Variants in MMP26 observed in about 807,000 individuals in gnomAD.
The protein encoded by MMP26 is matrix metallopeptidase 26, also known as matrix metalloproteinase-26.
MMP26 carries 33 observed loss-of-function variants against 31.0 expected under a neutral mutation model. The observed-to-expected ratio is 1.06, with a 90% confidence interval of 0.81 to 1.42. The LOEUF (loss-of-function observed/expected upper bound fraction) is 1.42. MMP26 is among the 40% of genes most tolerant of loss of function. The pLI is 0.00. For synonymous variants in MMP26, 122 were observed against 114.9 expected (o/e 1.06, Z -0.40); for missense variants, 347 against 316.1 (o/e 1.10, Z -0.74).
At chr11:4,774,441 G>C (rs1468681717) in intron 2 of MMP26, among the ~76,000 whole-genome samples, 1 of 152,102 alleles carries the variant, frequency 6.6e-6, no homozygotes, top group Non-Finnish European at 1.5e-5. Flanking sequence ...AGAAGTGTCT[G>C]TTTATGCCCT....
intron 2 of MMP26, among the ~76,000 whole-genome samples, chr11:4,770,522 G>C (rs1267519104): frequency 6.6e-6 from 1 of 152,154 alleles, no homozygotes; most frequent in Non-Finnish European, 1.5e-5. Context: ...ATACACTAAA[G>C]CAAGATGAGA....
At chr11:4,836,651 C>CTTTTTTTTTTT (rs71480270) in intron 2 of MMP26, among the ~76,000 whole-genome samples, 1 of 95,960 alleles carries the variant, frequency 1.0e-5, no homozygotes, top group African/African-American at 4.5e-5. Flanking sequence ...TCAAAGACAT[C>CTTTTTTTTTTT]TTTTTTTTTT....
chr11:4,756,111 T>G (rs576630466), intron 1 of MMP26, among the ~76,000 whole-genome samples: 65 of 151,888 alleles, frequency 4.3e-4, no homozygotes, highest in African/African-American at 1.5e-3. Flanking sequence ...AAAGAACACA[T>G]TGGAAAAATG....
chr11:4,964,279 A>G (rs1846560346), intron 2 of MMP26, among the ~76,000 whole-genome samples: 1 of 152,068 alleles, frequency 6.6e-6, no homozygotes, highest in Non-Finnish European at 1.5e-5. Context: ...TCTTGAGTTG[A>G]TTTTTATATA....
chr11:4,959,232 T>G (rs1299486159), intron 2 of MMP26, among the ~76,000 whole-genome samples: 2 of 73,566 alleles, frequency 2.7e-5, no homozygotes, highest in Admixed American at 1.7e-4. Context: ...AGAGAAACTC[T>G]GTCTCAAAAA....
At chr11:4,798,183 T>A (rs1849133173) in intron 2 of MMP26, among the ~76,000 whole-genome samples, 1 of 152,246 alleles carries the variant, frequency 6.6e-6, no homozygotes, top group Non-Finnish European at 1.5e-5. Context: ...CAGTCCAGAT[T>A]CATCAGGGGT....
chr11:4,791,565 A>G (rs1849027630), intron 2 of MMP26, among the ~76,000 whole-genome samples: 1 of 152,148 alleles, frequency 6.6e-6, no homozygotes, highest in Admixed American at 6.5e-5. Flanking sequence ...TATTGTTAAT[A>G]CTATCACAAC....
chr11:4,716,212 G>A (rs147929845), intron 1 of MMP26, among the ~76,000 whole-genome samples: 30 of 152,284 alleles, frequency 2.0e-4, no homozygotes, highest in African/African-American at 7.2e-4. Flanking sequence ...CATGGTACTG[G>A]CTGGAATTTT....
At chr11:4,931,915 G>C (rs1009345235) in intron 2 of MMP26, among the ~76,000 whole-genome samples, 10 of 152,014 alleles carry the variant, frequency 6.6e-5, no homozygotes, top group Non-Finnish European at 1.2e-4. Context: ...AGGGAGTATA[G>C]TAGGGAGACT....
chr11:4,798,312 G>A (rs963466768), intron 2 of MMP26, among the ~76,000 whole-genome samples: 2 of 152,166 alleles, frequency 1.3e-5, no homozygotes, highest in Admixed American at 6.5e-5. Context: ...GTGACTTCAG[G>A]ATTAGCAGAC....
chr11:4,844,189 G>A (rs1447504543), intron 2 of MMP26, among the ~76,000 whole-genome samples: 2 of 152,236 alleles, frequency 1.3e-5, no homozygotes, highest in East Asian at 3.9e-4. Flanking sequence ...GAAGTTCCTA[G>A]ATGCATACAC....
At chr11:4,923,668 A>G (rs756506304) in intron 2 of MMP26, 3 of 1,613,826 alleles carry the variant, frequency 1.9e-6, no homozygotes, top group African/African-American at 1.3e-5. Flanking sequence ...GCACGGTGCG[A>G]AGGATGAGGG....
At chr11:4,882,413 G>T (rs777435186) in intron 2 of MMP26, 110 of 1,613,828 alleles carry the variant, frequency 6.8e-5, no homozygotes, top group Middle Eastern at 3.3e-4. Context: ...GTCTTTTCAT[G>T]GGGGTCACGA....
At chr11:4,988,945 A>G (rs750968021) in intron 3 of MMP26, among the ~76,000 whole-genome samples, 2 of 152,172 alleles carry the variant, frequency 1.3e-5, no homozygotes, top group Non-Finnish European at 2.9e-5. Flanking sequence ...GCAGTCATAT[A>G]ATTTAAAAAA....
chr11:4,755,302 G>A (rs1356385641), intron 1 of MMP26, among the ~76,000 whole-genome samples: 1 of 151,914 alleles, frequency 6.6e-6, no homozygotes, highest in Non-Finnish European at 1.5e-5. Flanking sequence ...AGAAAATTTG[G>A]GAATGATTAA....
At chr11:4,728,075 A>G (rs1275669870) in intron 1 of MMP26, among the ~76,000 whole-genome samples, 1 of 152,256 alleles carries the variant, frequency 6.6e-6, no homozygotes, top group East Asian at 1.9e-4. Context: ...ATTAACTTGT[A>G]AAATTCAGTA....
At chr11:4,800,558 T>A (rs1849167186) in intron 2 of MMP26, among the ~76,000 whole-genome samples, 1 of 152,196 alleles carries the variant, frequency 6.6e-6, no homozygotes. Flanking sequence ...CAAGACCTTT[T>A]TTCCCATTGG....
At chr11:4,757,962 A>G (rs568609447) in intron 1 of MMP26, among the ~76,000 whole-genome samples, 2 of 152,086 alleles carry the variant, frequency 1.3e-5, no homozygotes, top group Non-Finnish European at 2.9e-5. Flanking sequence ...TTAAAAATTG[A>G]AACATAAACT....
chr11:4,808,272 C>T (rs1849304417), intron 2 of MMP26, among the ~76,000 whole-genome samples: 1 of 152,066 alleles, frequency 6.6e-6, no homozygotes, highest in Admixed American at 6.5e-5. Flanking sequence ...GCTGCCTGTG[C>T]TAGATAACAA....
Sources: gnomAD v4.1 joint callset for allele counts (sites outside exome capture counted in the v4.1 genomes callset) on GRCh38, gnomAD v4.1.1 for gene constraint, MANE v1.5 for transcripts, NCBI Gene and HGNC (gene_info 2026-07-23, HGNC 2026-07-21) for gene names.